CNOT10: variants seen among roughly 807,000 people sequenced by gnomAD.
CNOT10 encodes the protein CCR4-NOT transcription complex, subunit 10.
Under a neutral mutation model 94.6 loss-of-function variants are expected in CNOT10, and 30 were observed. That is an observed-to-expected ratio of 0.32 (90% CI 0.24 to 0.43). The LOEUF (loss-of-function observed/expected upper bound fraction) is 0.43, where lower values mean the gene tolerates loss of function less well. CNOT10 is among the 20% of genes least tolerant of loss of function. CNOT10 has a pLI of 1.00. For missense variants in CNOT10, 759 were observed against 877.2 expected (o/e 0.87, Z 1.70); for synonymous variants, 289 against 301.6 (o/e 0.96, Z 0.43).
rs371284230 is a variant in CNOT10 at position 32,707,240 on chromosome 3, A to C, written c.280-1430A>C. 4.0e-4 allele frequency among the ~76,000 whole-genome samples: 61 copies of C among 152,120 alleles called. 2 individuals carry two copies. The South Asian group carries it at 0.012, about 31-fold the overall frequency. On this transcript the variant is annotated intron_variant, in intron 3 of 18. Coordinates refer to ENST00000328834, the MANE Select transcript of CNOT10 (RefSeq NM_015442.3). Reference sequence around the variant, plus strand: ...AAAGCCCATTGCTACAGCTTACATAAGGGGGTATACAGTTTGAGAATGCAA... The same window carrying C: ...AAAGCCCATTGCTACAGCTTACATACGGGGGTATACAGTTTGAGAATGCAA...
At chr3:32,728,276 G>T (rs7373227) in intron 10 of CNOT10, among the ~76,000 whole-genome samples, 8 of 151,902 alleles carry the variant, frequency 5.3e-5, no homozygotes, top group Non-Finnish European at 1.2e-4. Flanking sequence ...GATTACAGGC[G>T]TGAAATGTAT....
chr3:32,761,288 G>A (rs977620365), intron 14 of CNOT10, among the ~76,000 whole-genome samples: 1 of 152,174 alleles, frequency 6.6e-6, no homozygotes, highest in Non-Finnish European at 1.5e-5. Context: ...TGCCTCTAAA[G>A]TACCTTCCGT....
Position 32,764,675 on chromosome 3 carries a change from TC to T in CNOT10, c.1877-3del. ...TCTTCACCAGTGTCTACACTCTTTT[TC>T]CCCAGCTGGTAAGCGGGCCCCTCAG... On this transcript the variant is annotated splice_region_variant and splice_polypyrimidine_tract_variant and intron_variant, in intron 16 of 18. Coordinates refer to ENST00000328834, the MANE Select transcript of CNOT10 (RefSeq NM_015442.3). The T allele has an allele frequency of 6.2e-7, 1 of 1,613,682 alleles. No homozygotes were observed. The highest frequency in any genetic ancestry group is 2.2e-5 in the East Asian group (1 of 44,870).
intron 8 of CNOT10, among the ~76,000 whole-genome samples, chr3:32,721,060 CTTT>C (rs377750318): frequency 0.021 from 2,018 of 97,690 alleles, 16 homozygotes; most frequent in Middle Eastern, 0.09. Flanking sequence ...TCTTTCCTTT[CTTT>C]TTTTTTTTTT....
intron 12 of CNOT10, among the ~76,000 whole-genome samples, chr3:32,737,062 C>T (rs1362782750): frequency 6.6e-6 from 1 of 152,118 alleles, no homozygotes; most frequent in African/African-American, 2.4e-5. Flanking sequence ...TCTGTAAATC[C>T]TAGCACTTTG....
chr3:32,723,121 C>T (rs1028993077), intron 8 of CNOT10, among the ~76,000 whole-genome samples: 62 of 152,026 alleles, frequency 4.1e-4, no homozygotes, highest in African/African-American at 1.4e-3. Flanking sequence ...AGGCCGGGCA[C>T]GGTGGCTCAC....
At chr3:32,767,038 C>T (rs965937934) in intron 17 of CNOT10, among the ~76,000 whole-genome samples, 2 of 152,176 alleles carry the variant, frequency 1.3e-5, no homozygotes, top group African/African-American at 4.8e-5. Context: ...GCTTGTAGAC[C>T]TTTGCAGTTA....
chr3:32,732,760 A>G (rs951006185), intron 10 of CNOT10, among the ~76,000 whole-genome samples: 10 of 152,166 alleles, frequency 6.6e-5, no homozygotes, highest in African/African-American at 2.4e-4. Flanking sequence ...ACTTAGAATG[A>G]AGGGGGATCA....
intron 4 of CNOT10, among the ~76,000 whole-genome samples, chr3:32,709,821 A>G (rs867029287): frequency 7.2e-5 from 11 of 152,198 alleles, no homozygotes; most frequent in African/African-American, 2.4e-5. Flanking sequence ...TAGAATTTCA[A>G]TATGGAGAAA....
chr3:32,739,480 AAC>A (rs1441103086), intron 13 of CNOT10, among the ~76,000 whole-genome samples: 3 of 152,084 alleles, frequency 2.0e-5, no homozygotes, highest in Non-Finnish European at 4.4e-5. Flanking sequence ...TCCTTCCACA[AAC>A]AGTTATGTTT....
At chr3:32,723,651 C>A (rs1363302442) in intron 8 of CNOT10, among the ~76,000 whole-genome samples, 1 of 152,116 alleles carries the variant, frequency 6.6e-6, no homozygotes, top group Non-Finnish European at 1.5e-5. Context: ...TGTAAACACA[C>A]ATACACATAC....
At chr3:32,750,386 T>C (rs955940633) in intron 13 of CNOT10, among the ~76,000 whole-genome samples, 8 of 151,810 alleles carry the variant, frequency 5.3e-5, no homozygotes, top group African/African-American at 1.9e-4. Flanking sequence ...TCTCAGCTAC[T>C]CAGGAGGCTA....
At chr3:32,687,937 C>T (rs1249509776) in intron 1 of CNOT10, among the ~76,000 whole-genome samples, 1 of 152,174 alleles carries the variant, frequency 6.6e-6, no homozygotes, top group Non-Finnish European at 1.5e-5. Context: ...GTCTATCTTA[C>T]ATGCTGCTTC....
At chr3:32,691,771 G>T (rs1696858378) in intron 1 of CNOT10, among the ~76,000 whole-genome samples, 1 of 152,084 alleles carries the variant, frequency 6.6e-6, no homozygotes, top group East Asian at 1.9e-4. Context: ...AAAATTTCCT[G>T]CCAGCCAGGC....
intron 13 of CNOT10, among the ~76,000 whole-genome samples, chr3:32,746,924 T>C (rs1182694548): frequency 6.7e-6 from 1 of 149,940 alleles, no homozygotes; most frequent in Non-Finnish European, 1.5e-5. Flanking sequence ...CAGGCAGTAA[T>C]GCAAGTCATG....
intron 1 of CNOT10, among the ~76,000 whole-genome samples, chr3:32,691,053 T>C (rs950985959): frequency 2.0e-5 from 3 of 147,488 alleles, no homozygotes; most frequent in Non-Finnish European, 4.4e-5. Context: ...TGGACTGCAG[T>C]GGTACGATCT....
Position 32,759,446 on chromosome 3 carries a change from T to G in CNOT10, c.1596-12T>G. Reference sequence around the variant, plus strand: ...AAATGAGATTTTCGGCCCCTTCCCTTTTGTGTTATAGGTGCTCCATACTTG... The same window carrying G: ...AAATGAGATTTTCGGCCCCTTCCCTGTTGTGTTATAGGTGCTCCATACTTG... On this transcript the variant is annotated splice_polypyrimidine_tract_variant and intron_variant, in intron 13 of 18. Transcript: ENST00000328834. 1 of 1,583,198 alleles carries G rather than the reference T, an allele frequency of 6.3e-7. No homozygotes were observed. Among genetic ancestry groups the G allele is most frequent in the Non-Finnish European group, 8.6e-7 (1 of 1,158,070 alleles).
intron 13 of CNOT10, among the ~76,000 whole-genome samples, chr3:32,757,283 G>A (rs370514477): frequency 7.8e-6 from 1 of 128,926 alleles, no homozygotes; most frequent in East Asian, 2.7e-4. Flanking sequence ...AGGTTCAAGC[G>A]ATTCTCCTGC....
chr3:32,754,955 A>G (rs1700156511), intron 13 of CNOT10, among the ~76,000 whole-genome samples: 1 of 152,024 alleles, frequency 6.6e-6, no homozygotes, highest in African/African-American at 2.4e-5. Context: ...TTGTTGAAAG[A>G]AATTACATTA....
Sources: gnomAD v4.1 joint callset for allele counts (sites outside exome capture counted in the v4.1 genomes callset) on GRCh38, gnomAD v4.1.1 for gene constraint, MANE v1.5 for transcripts, NCBI Gene and HGNC (gene_info 2026-07-23, HGNC 2026-07-21) for gene names.